Variants in PTPRM observed in about 807,000 individuals in gnomAD.
The protein encoded by PTPRM is receptor-type tyrosine-protein phosphatase mu.
Under a neutral mutation model 186.7 loss-of-function variants are expected in PTPRM, and 47 were observed. The ratio of observed to expected loss-of-function variants is 0.25; its 90% CI spans 0.20 to 0.32. The LOEUF (loss-of-function observed/expected upper bound fraction) is 0.32. Among genes scored for constraint, PTPRM ranks in the 10% least tolerant of loss-of-function variants. The probability of loss-of-function intolerance (pLI) is 1.00; values close to 1 mark genes in which losing one functional copy is unlikely to be tolerated. For missense variants in PTPRM, 1,494 were observed against 1,865.0 expected, an observed-to-expected ratio of 0.80 and a Z score of 3.66; for synonymous variants, 668 against 674.9, an observed-to-expected ratio of 0.99 and a Z score of 0.16.
chr18:8,258,416 C>A (rs753063383), intron 19 of PTPRM, among the ~76,000 whole-genome samples: 1 of 152,150 alleles, frequency 6.6e-6, no homozygotes, highest in African/African-American at 2.4e-5. Flanking sequence ...GCCCTGAACC[C>A]TCACACCCAG....
At chr18:7,939,230 C>A (rs79120124) in intron 5 of PTPRM, among the ~76,000 whole-genome samples, 1 of 152,048 alleles carries the variant, frequency 6.6e-6, no homozygotes, top group Non-Finnish European at 1.5e-5. Context: ...ATGAAAGTGC[C>A]GTTTAATCCC....
At chr18:8,161,602 A>G (rs1253033004) in intron 14 of PTPRM, among the ~76,000 whole-genome samples, 1 of 152,190 alleles carries the variant, frequency 6.6e-6, no homozygotes, top group Admixed American at 6.5e-5. Context: ...TTGGCCAAAT[A>G]AAATAGATAT....
intron 20 of PTPRM, among the ~76,000 whole-genome samples, chr18:8,301,812 A>T (rs555248015): frequency 6.6e-6 from 1 of 152,238 alleles, no homozygotes; most frequent in Non-Finnish European, 1.5e-5. Flanking sequence ...AGCAAGGAAA[A>T]TGAAGCAGGG....
At chr18:8,053,122 T>G (rs568213051) in intron 7 of PTPRM, among the ~76,000 whole-genome samples, 8 of 152,298 alleles carry the variant, frequency 5.3e-5, no homozygotes, top group African/African-American at 1.9e-4. Flanking sequence ...CCTTTTACTT[T>G]TCTACTAAAT....
At chr18:7,747,180 C>T (rs1281142602) in intron 1 of PTPRM, among the ~76,000 whole-genome samples, 1 of 152,152 alleles carries the variant, frequency 6.6e-6, no homozygotes, top group East Asian at 1.9e-4. Context: ...TTAAATGTAA[C>T]AGTATGGGAC....
chr18:7,984,602 T>TATATATATATATATATATACAC (rs1214502563), intron 7 of PTPRM, among the ~76,000 whole-genome samples: 5 of 87,196 alleles, frequency 5.7e-5, no homozygotes, highest in African/African-American at 2.5e-4. Flanking sequence ...TATATATATA[T>TATATATATATATATATATACAC]ACACACACAC....
chr18:7,694,482 G>A (rs547537699), intron 1 of PTPRM, among the ~76,000 whole-genome samples: 2 of 149,610 alleles, frequency 1.3e-5, no homozygotes, highest in Non-Finnish European at 3.0e-5. Context: ...GCTGGACTGC[G>A]GTAGTGCGGT....
At chr18:7,646,625 C>T (rs757223372) in intron 1 of PTPRM, among the ~76,000 whole-genome samples, 2 of 152,086 alleles carry the variant, frequency 1.3e-5, no homozygotes, top group African/African-American at 2.4e-5. Flanking sequence ...TTTCATTATA[C>T]CCATTTCTCT....
At chr18:7,981,662 G>A (rs1434359499) in intron 7 of PTPRM, among the ~76,000 whole-genome samples, 2 of 152,180 alleles carry the variant, frequency 1.3e-5, no homozygotes, top group Admixed American at 6.5e-5. Context: ...AAGCAATGGG[G>A]CTGTATTCTG....
chr18:8,249,646 C>T (rs1601470510), intron 17 of PTPRM, among the ~76,000 whole-genome samples: 3 of 152,252 alleles, frequency 2.0e-5, no homozygotes, highest in East Asian at 3.9e-4. Context: ...AGGGCTAAAA[C>T]GTGCCTTGTC....
intron 1 of PTPRM, among the ~76,000 whole-genome samples, chr18:7,718,717 A>G (rs553537068): frequency 6.6e-6 from 1 of 152,346 alleles, no homozygotes; most frequent in African/African-American, 2.4e-5. Context: ...AATCAGCCAG[A>G]AAGAAATAAT....
At chr18:8,200,627 G>A (rs567142866) in intron 14 of PTPRM, among the ~76,000 whole-genome samples, 122 of 152,300 alleles carry the variant, frequency 8.0e-4, no homozygotes, top group African/African-American at 2.6e-3. Context: ...TTCCAGCGGC[G>A]ACAACACTAA....
intron 14 of PTPRM, among the ~76,000 whole-genome samples, chr18:8,238,983 T>C (rs942482875): frequency 2.0e-5 from 3 of 151,266 alleles, no homozygotes; most frequent in Non-Finnish European, 4.4e-5. Flanking sequence ...CTTCTCTTTT[T>C]TTTTTTTAAT....
chr18:8,243,431 G>C (rs2094450183), intron 14 of PTPRM, among the ~76,000 whole-genome samples: 1 of 152,070 alleles, frequency 6.6e-6, no homozygotes, highest in Non-Finnish European at 1.5e-5. Flanking sequence ...TTTGGGACAG[G>C]GTCATAGCCT....
chr18:8,121,094 CTGTT>C (rs2092155141), intron 13 of PTPRM, among the ~76,000 whole-genome samples: 1 of 152,298 alleles, frequency 6.6e-6, no homozygotes, highest in African/African-American at 2.4e-5. Flanking sequence ...TCTGACCAAA[CTGTT>C]AGTTTGTTAA....
intron 7 of PTPRM, among the ~76,000 whole-genome samples, chr18:7,991,526 C>T (rs1223023500): frequency 6.6e-6 from 1 of 152,130 alleles, no homozygotes; most frequent in Admixed American, 6.5e-5. Flanking sequence ...GGCAGTAGCA[C>T]ATAATAGAAT....
chr18:8,392,080 A>G (rs890326016), intron 31 of PTPRM, among the ~76,000 whole-genome samples: 2 of 152,184 alleles, frequency 1.3e-5, no homozygotes, highest in Admixed American at 6.5e-5. Context: ...AAAAAGAGAG[A>G]GCAAAGAGGA....
rs1555616950 is a variant in PTPRM, at chr18:7,842,947, TAGAGAGAGAG to T, written c.197-45135_197-45126del. The stretch of plus-strand genomic sequence containing the variant: ...GTGTGTGTGTATATATATATATATA[TAGAGAGAGAG>T]AGAGAGAGAGAGAGAGAGAGAGATT... On this transcript the variant is annotated intron_variant, in intron 2 of 32. Transcript: ENST00000580170. Among the ~76,000 whole-genome samples the T allele has an allele frequency of 7.1e-5, 8 of 112,132 alleles. 1 individual carries two copies. The highest frequency in any genetic ancestry group is 5.5e-4 in the Admixed American group (6 of 10,900). 73.6% of individuals were successfully genotyped at this position (112,132 alleles called of 152,430 possible).
chr18:7,984,971 T>TA (rs2082812663), intron 7 of PTPRM, among the ~76,000 whole-genome samples: 1 of 116,874 alleles, frequency 8.6e-6, no homozygotes, highest in African/African-American at 4.1e-5. Context: ...ATACATATAA[T>TA]TATATATACA....
Sources: gnomAD v4.1 joint callset for allele counts (sites outside exome capture counted in the v4.1 genomes callset) on GRCh38, gnomAD v4.1.1 for gene constraint, MANE v1.5 for transcripts, NCBI Gene and HGNC (gene_info 2026-07-23, HGNC 2026-07-21) for gene names.